PRKG1: variants seen among roughly 807,000 people sequenced by gnomAD.
PRKG1 encodes cGMP-dependent protein kinase 1.
Under a neutral mutation model 88.1 loss-of-function variants are expected in PRKG1, and 35 were observed. The observed-to-expected ratio is 0.40, with a 90% CI of 0.30 to 0.53. PRKG1 has a LOEUF of 0.53. Ranked by LOEUF, PRKG1 falls within the 20% of genes least tolerant of loss-of-function variation. The pLI is 0.59. For missense variants in PRKG1, 540 were observed against 839.8 expected, an observed-to-expected ratio of 0.64 and a Z score of 4.41; for synonymous variants, 303 against 292.5, an observed-to-expected ratio of 1.04 and a Z score of -0.37.
chr10:50,997,509 A>G (rs7916094), intron 1 of PRKG1, among the ~76,000 whole-genome samples: 136,004 of 152,232 alleles, frequency 0.89, 60,904 homozygotes, highest in African/African-American at 0.95. Context: ...TCTCACCATA[A>G]CATGTAAGAG....
intron 1 of PRKG1, among the ~76,000 whole-genome samples, chr10:51,050,023 A>G (rs2666536): frequency 0.87 from 132,139 of 151,988 alleles, 57,577 homozygotes; most frequent in African/African-American, 0.93. Flanking sequence ...GGTCAATGGA[A>G]ATTGTCTGCC....
intron 2 of PRKG1, among the ~76,000 whole-genome samples, chr10:51,175,077 T>C (rs1439702607): frequency 6.6e-6 from 1 of 151,986 alleles, no homozygotes; most frequent in Non-Finnish European, 1.5e-5. Context: ...TATTAACTTA[T>C]CAATAATTTT....
At chr10:51,375,474 C>T (rs1407717124) in intron 2 of PRKG1, among the ~76,000 whole-genome samples, 2 of 151,714 alleles carry the variant, frequency 1.3e-5, no homozygotes, top group Non-Finnish European at 2.9e-5. Flanking sequence ...ACTGGCTGAG[C>T]ATCTCATATG....
At chr10:51,860,232 C>G (rs1937714) in intron 4 of PRKG1, among the ~76,000 whole-genome samples, 48,075 of 151,946 alleles carry the variant, frequency 0.32, 8,097 homozygotes, top group Non-Finnish European at 0.35. Flanking sequence ...AAAAAACAAC[C>G]CTCAAAGTTT....
chr10:51,067,999 C>G (rs573087453), intron 1 of PRKG1, among the ~76,000 whole-genome samples: 1 of 152,164 alleles, frequency 6.6e-6, no homozygotes, highest in South Asian at 2.1e-4. Context: ...CTACATTAGG[C>G]AAGGCCAATG....
chr10:51,968,809 C>CATCA (rs1423404534), intron 5 of PRKG1, among the ~76,000 whole-genome samples: 1 of 99,402 alleles, frequency 1.0e-5, no homozygotes, highest in Non-Finnish European at 2.1e-5. Context: ...AGCGACAGAG[C>CATCA]AAAACTCCAT....
At chr10:51,985,134 T>C (rs1458863267) in intron 5 of PRKG1, among the ~76,000 whole-genome samples, 2 of 152,208 alleles carry the variant, frequency 1.3e-5, no homozygotes, top group African/African-American at 4.8e-5. Flanking sequence ...GCACATCTTC[T>C]ATTTTTATTC....
rs192851414 is a variant in PRKG1, at chr10:51,961,797, G to A, written c.762+54227G>A. Among the ~76,000 whole-genome samples the A allele has an allele frequency of 3.0e-3, 450 of 152,278 alleles. 4 individuals are homozygous for A. Among genetic ancestry groups the A allele is most frequent in the Middle Eastern group, 0.01 (3 of 292 alleles). ...TGTTGTGTATTCGATACTTGAGGTA[G>A]TTTTTGGAGGCAAGCTGTACTGACA... On this transcript the variant is annotated intron_variant, in intron 5 of 17. Coordinates refer to ENST00000373980, the MANE Select transcript of PRKG1 (RefSeq NM_006258.4).
At chr10:51,778,744 G>A (rs183279237) in intron 3 of PRKG1, among the ~76,000 whole-genome samples, 2 of 152,186 alleles carry the variant, frequency 1.3e-5, no homozygotes, top group East Asian at 1.9e-4. Flanking sequence ...ATATTTACCT[G>A]TGGGAAAGTT....
chr10:51,670,682 G>C (rs1840538919), intron 3 of PRKG1, among the ~76,000 whole-genome samples: 1 of 147,604 alleles, frequency 6.8e-6, no homozygotes, highest in African/African-American at 2.5e-5. Flanking sequence ...CTTGCAGTGA[G>C]CCGAGATCCC....
At chr10:52,074,003 G>A (rs1271922634) in intron 7 of PRKG1, among the ~76,000 whole-genome samples, 1 of 151,606 alleles carries the variant, frequency 6.6e-6, no homozygotes, top group Non-Finnish European at 1.5e-5. Flanking sequence ...ACCTTCACCT[G>A]AAACATACAG....
intron 8 of PRKG1, among the ~76,000 whole-genome samples, chr10:52,144,767 A>AGATC (rs779491306): frequency 1.2e-4 from 19 of 152,188 alleles, no homozygotes; most frequent in Non-Finnish European, 2.2e-4. Flanking sequence ...CAGTGAGCTG[A>AGATC]GATCGCATCA....
intron 2 of PRKG1, among the ~76,000 whole-genome samples, chr10:51,176,284 C>G (rs1240914712): frequency 6.6e-6 from 1 of 152,022 alleles, no homozygotes; most frequent in Non-Finnish European, 1.5e-5. Flanking sequence ...GTATCAGGGT[C>G]ATATAGGCAG....
chr10:51,649,152 T>G (rs1045899198), intron 3 of PRKG1, among the ~76,000 whole-genome samples: 2 of 152,204 alleles, frequency 1.3e-5, no homozygotes, highest in Non-Finnish European at 2.9e-5. Context: ...AGGATTCAAA[T>G]GCAGATTTCA....
chr10:51,101,157 G>T (rs1393127890), intron 1 of PRKG1, among the ~76,000 whole-genome samples: 3 of 152,090 alleles, frequency 2.0e-5, no homozygotes, highest in African/African-American at 7.2e-5. Context: ...ACTTTATTTG[G>T]AGATAGGACC....
At chr10:52,026,741 C>T (rs10762536) in intron 5 of PRKG1, among the ~76,000 whole-genome samples, 105,864 of 152,042 alleles carry the variant, frequency 0.7, 37,054 homozygotes, top group East Asian at 0.92. Context: ...CTTTGGGAGG[C>T]CGAGGCACGC....
At chr10:52,116,851 A>G (rs1044849588) in intron 7 of PRKG1, among the ~76,000 whole-genome samples, 27 of 151,990 alleles carry the variant, frequency 1.8e-4, no homozygotes, top group African/African-American at 5.3e-4. Flanking sequence ...TTTTTTTAAA[A>G]GAAAACTGAT....
intron 9 of PRKG1, among the ~76,000 whole-genome samples, chr10:52,209,255 A>C (rs1443407387): frequency 6.6e-6 from 1 of 152,190 alleles, no homozygotes; most frequent in Non-Finnish European, 1.5e-5. Context: ...TATATAAACA[A>C]ATGGAAATGG....
intron 5 of PRKG1, among the ~76,000 whole-genome samples, chr10:52,005,554 T>A (rs1415704065): frequency 6.6e-6 from 1 of 152,132 alleles, no homozygotes; most frequent in African/African-American, 2.4e-5. Flanking sequence ...TGAACTCAAC[T>A]GGTGGGCACA....
Sources: gnomAD v4.1 joint callset for allele counts (sites outside exome capture counted in the v4.1 genomes callset) on GRCh38, gnomAD v4.1.1 for gene constraint, MANE v1.5 for transcripts, NCBI Gene and HGNC (gene_info 2026-07-23, HGNC 2026-07-21) for gene names.